Variants in CLASP2 observed in about 807,000 individuals in gnomAD.
The protein encoded by CLASP2 is CLIP-associating protein 2.
In CLASP2, 47 loss-of-function variants were observed where a neutral mutation model predicts 194.4. That is an observed-to-expected ratio of 0.24 (90% CI 0.19 to 0.31). The LOEUF (loss-of-function observed/expected upper bound fraction) is 0.31, where lower values mean the gene tolerates loss of function less well. Ranked by LOEUF, CLASP2 falls within the 10% of genes least tolerant of loss-of-function variation. The pLI, the probability that CLASP2 is intolerant of heterozygous loss-of-function variation, is 1.00. For missense variants in CLASP2, 1,445 were observed against 1,823.6 expected, an observed-to-expected ratio of 0.79 and a Z score of 3.78; for synonymous variants, 619 against 633.5, an observed-to-expected ratio of 0.98 and a Z score of 0.34.
intron 32 of CLASP2, among the ~76,000 whole-genome samples, chr3:33,542,184 C>G (rs1053423204): frequency 6.6e-6 from 1 of 152,040 alleles, no homozygotes; most frequent in Non-Finnish European, 1.5e-5. Flanking sequence ...CATTTGAAAT[C>G]TAGCTCATGC....
At position 33,611,955 on chromosome 3, in the gene CLASP2, T is replaced by C. The variant is rs9874637; in HGVS notation, c.1388+46A>G. The C allele has an allele frequency of 6.3e-3, 7,840 of 1,239,742 alleles. 342 individuals carry two copies. In the African/African-American group the frequency reaches 0.099, roughly 16 times the overall value. The allele number at this position is 1,239,742 out of a possible 1,614,324, so 76.8% of individuals were successfully genotyped here. A position where few individuals can be genotyped will look rare whatever the true frequency, so the allele number is the denominator to read the frequency against. On this transcript the variant is annotated intron_variant, in intron 13 of 38. Transcript: ENST00000682230. ...GCAGACAAATAATTAAACAATGCAG[T>C]ATCAGAGCTATACTAACAACAACAA...
rs2046052865 is a variant in CLASP2 at position 33,498,343 on chromosome 3, G to A, written c.*288C>T. 1 of 254,118 alleles carries A rather than the reference G, an allele frequency of 3.9e-6. No individual in the cohort carries two copies. Among genetic ancestry groups the A allele is most frequent in the Non-Finnish European group, 7.4e-6 (1 of 134,946 alleles). 15.7% of individuals were successfully genotyped at this position (254,118 alleles called of 1,614,324 possible). A position where few individuals can be genotyped will look rare whatever the true frequency, so the allele number is the denominator to read the frequency against. On this transcript the variant is annotated 3_prime_UTR_variant, in exon 39 of 39. Coordinates refer to ENST00000682230, the MANE Select transcript of CLASP2 (RefSeq NM_001365631.1). ...TAACACTGGCAAAGGTTAATGGGAA[G>A]ACAAAGTACAAACATGTGAAATGAT...
rs1477953125 is a variant in CLASP2 at position 33,497,818 on chromosome 3, A to AAAAGCATC, written c.*805_*812dup. Reference sequence around the variant, plus strand: ...GTGAATTTGATATTAATAAATACAAAAAAGCATCATTCACAACAAAGATAT... The same window carrying AAAAGCATC: ...GTGAATTTGATATTAATAAATACAAAAAAGCATCAAAGCATCATTCACAACAAAGATAT... On this transcript the variant is annotated 3_prime_UTR_variant, in exon 39 of 39. Transcript: ENST00000682230. 3.3e-5 allele frequency: 5 copies of AAAAGCATC among 152,704 alleles called. No homozygotes were observed. The highest frequency in any genetic ancestry group is 7.3e-5 in the Non-Finnish European group (5 of 68,032). 9.5% of individuals were successfully genotyped at this position (152,704 alleles called of 1,614,324 possible).
chr3:33,692,952 T>C (rs1327834293), intron 2 of CLASP2, among the ~76,000 whole-genome samples: 1 of 152,130 alleles, frequency 6.6e-6, no homozygotes, highest in African/African-American at 2.4e-5. Flanking sequence ...GGTAGCCTAA[T>C]TATTCTTGTA....
intron 8 of CLASP2, among the ~76,000 whole-genome samples, chr3:33,640,100 A>C (rs1452349895): frequency 1.3e-5 from 2 of 152,208 alleles, no homozygotes; most frequent in Non-Finnish European, 2.9e-5. Flanking sequence ...GAGAGGAAGA[A>C]ACCAAAACCA....
At chr3:33,683,137 T>A (rs909252449) in intron 6 of CLASP2, 1 of 152,222 alleles carries the variant, frequency 6.6e-6, no homozygotes, top group Non-Finnish European at 1.5e-5. Context: ...AAATCCTTGC[T>A]CAAGCATCTC....
intron 13 of CLASP2, 46 bp from the exon 14 acceptor site, chr3:33,608,672 T>C (rs1436370690): frequency 7.8e-7 from 1 of 1,278,030 alleles, no homozygotes; most frequent in Non-Finnish European, 1.1e-6. Flanking sequence ...TATTGAGAAA[T>C]ACATTAACAC....
At chr3:33,582,757 C>T (rs188141958) in intron 22 of CLASP2, among the ~76,000 whole-genome samples, 4 of 151,866 alleles carry the variant, frequency 2.6e-5, no homozygotes, top group African/African-American at 4.8e-5. Context: ...AAATATGGAA[C>T]GAAAGAAACA....
At chr3:33,569,643 G>T (rs1188206448) in intron 26 of CLASP2, among the ~76,000 whole-genome samples, 1 of 152,006 alleles carries the variant, frequency 6.6e-6, no homozygotes, top group Admixed American at 6.5e-5. Flanking sequence ...AACTTTAAAA[G>T]ATTTTAGTAA....
intron 10 of CLASP2, among the ~76,000 whole-genome samples, chr3:33,625,620 A>G (rs111919574): frequency 0.018 from 2,670 of 151,128 alleles, 70 homozygotes; most frequent in African/African-American, 0.061. Context: ...ATCTTGTCAT[A>G]TATGTTTAAA....
At chr3:33,586,950 GTGAC>G (rs1293019969) in intron 21 of CLASP2, among the ~76,000 whole-genome samples, 2 of 152,074 alleles carry the variant, frequency 1.3e-5, no homozygotes. Flanking sequence ...AAAGTGAGAG[GTGAC>G]TTTTTAGTTC....
intron 1 of CLASP2, among the ~76,000 whole-genome samples, chr3:33,715,387 A>T (rs534544650): frequency 4.6e-5 from 7 of 152,108 alleles, no homozygotes; most frequent in African/African-American, 1.4e-4. Flanking sequence ...AGTATTCCCT[A>T]TTCCCTTCAT....
Position 33,663,474 on chromosome 3 carries a change from G to A in CLASP2, c.686C>T (p.Ser229Leu). 1 of 1,612,516 alleles carries A rather than the reference G, an allele frequency of 6.2e-7. No individual in the cohort carries two copies. The highest frequency in any genetic ancestry group is 2.2e-5 in the East Asian group (1 of 44,778). The change falls in exon 7 of 39, where the codon TCA becomes TTA. Residue 229 changes from serine to leucine, a missense_variant. Ser to Leu is a moderately radical substitution (Grantham distance 145, BLOSUM62 -2). Transcript: ENST00000682230. ...GCAGACACTCAAAATCATACCGCCT[G>A]AACTTTGCACTTCATCAAATTTGGC... ...IFAKFDEVQS[S>L]GGMILSVCKD...
At chr3:33,543,609 C>G in intron 31 of CLASP2, 70 bp from the exon 32 acceptor site, 5 of 893,714 alleles carry the variant, frequency 5.6e-6, no homozygotes, top group Non-Finnish European at 9.4e-6. Context: ...CTTAAGGAAG[C>G]CACACAAACA....
chr3:33,594,258 T>A lies in CLASP2; in HGVS notation c.1966+693A>T, dbSNP rs181422987. On this transcript the variant is annotated intron_variant, in intron 20 of 38. Coordinates refer to ENST00000682230, the MANE Select transcript of CLASP2 (RefSeq NM_001365631.1). ...AAAAGTTAATCTATTTGGTTTTGTG[T>A]CACAAAAAATAGTCATCCACGTAAA... Among the ~76,000 whole-genome samples the A allele has an allele frequency of 1.3e-3, 195 of 152,226 alleles. 2 individuals are homozygous for A. The highest frequency in any genetic ancestry group is 4.5e-3 in the African/African-American group (186 of 41,546).
At chr3:33,689,731 A>G in intron 3 of CLASP2, 98 bp downstream of exon 3, 3 of 738,480 alleles carry the variant, frequency 4.1e-6, no homozygotes, top group Non-Finnish European at 4.2e-6. Flanking sequence ...ATTAGCAACA[A>G]ATCATTGCTT....
intron 34 of CLASP2, among the ~76,000 whole-genome samples, chr3:33,529,773 A>T (rs547327596): frequency 6.6e-6 from 1 of 151,992 alleles, no homozygotes; most frequent in Non-Finnish European, 1.5e-5. Context: ...TGAGGTCAGG[A>T]GATCGAGACC....
In CLASP2 at chr3:33,571,015, A is replaced by ATTTTTTTTTTTTTTTTTTTTT. The variant is rs1027731514; in HGVS notation, c.2700-226_2700-225insAAAAAAAAAAAAAAAAAAAAA. ...AGATGGCAAGATCCTGTCTCTATAA[A>ATTTTTTTTTTTTTTTTTTTTT]TTTTTTTTTTTTTTTTTTGAGACGG... On this transcript the variant is annotated intron_variant, in intron 25 of 38. Coordinates refer to ENST00000682230, the MANE Select transcript of CLASP2 (RefSeq NM_001365631.1). 4.9e-3 allele frequency among the ~76,000 whole-genome samples: 604 copies of ATTTTTTTTTTTTTTTTTTTTT among 123,788 alleles called. 33 individuals are homozygous for ATTTTTTTTTTTTTTTTTTTTT. Among genetic ancestry groups the ATTTTTTTTTTTTTTTTTTTTT allele is most frequent in the East Asian group, 0.014 (55 of 3,908 alleles). 81.2% of individuals were successfully genotyped at this position (123,788 alleles called of 152,430 possible).
At chr3:33,556,854 G>T (rs1243330320) in intron 29 of CLASP2, among the ~76,000 whole-genome samples, 1 of 152,136 alleles carries the variant, frequency 6.6e-6, no homozygotes, top group Non-Finnish European at 1.5e-5. Context: ...CCAGCATAAT[G>T]TTTTCTAATA....
Sources: allele counts gnomAD v4.1 joint callset (sites outside exome capture counted in the v4.1 genomes callset), GRCh38; gene constraint gnomAD v4.1.1; transcripts MANE v1.5; gene names NCBI Gene and HGNC (gene_info 2026-07-23, HGNC 2026-07-21).